Variants in CALCR observed in about 807,000 individuals in gnomAD.
The protein encoded by CALCR is calcitonin receptor.
In CALCR, 47 loss-of-function variants were observed where a neutral mutation model predicts 59.5. The ratio of observed to expected loss-of-function variants is 0.79; its 90% CI spans 0.63 to 1.01. The LOEUF is 1.01. Among genes scored for constraint, CALCR ranks in the 50% least tolerant of loss-of-function variants. CALCR has a pLI of 0.00. For missense variants in CALCR, 566 were observed against 597.1 expected, an observed-to-expected ratio of 0.95 and a Z score of 0.54; for synonymous variants, 213 against 211.3, an observed-to-expected ratio of 1.01 and a Z score of -0.07.
intron 2 of CALCR, among the ~76,000 whole-genome samples, chr7:93,541,551 C>A (rs534226523): frequency 4.6e-5 from 7 of 152,138 alleles, no homozygotes; most frequent in African/African-American, 1.4e-4. Context: ...GCATTAAATT[C>A]CTATTGACTT....
intron 2 of CALCR, among the ~76,000 whole-genome samples, chr7:93,548,635 C>A (rs1789360560): frequency 6.8e-6 from 1 of 148,050 alleles, no homozygotes. Flanking sequence ...AATCTTTGAG[C>A]ATGGATACAT....
intron 8 of CALCR, among the ~76,000 whole-genome samples, chr7:93,452,804 T>G (rs1447564188): frequency 6.6e-6 from 1 of 151,860 alleles, no homozygotes; most frequent in East Asian, 2.0e-4. Flanking sequence ...AACAGAAGTG[T>G]AGGCTCTACA....
At chr7:93,526,453 A>G (rs753284578) in intron 2 of CALCR, among the ~76,000 whole-genome samples, 1 of 151,192 alleles carries the variant, frequency 6.6e-6, no homozygotes, top group South Asian at 2.1e-4. Flanking sequence ...AAGAAGGGGG[A>G]AAAAGGCAGA....
rs1203111729 is a variant in CALCR, at chr7:93,443,770, A to C, written c.649-13T>G. 2.5e-6 allele frequency: 4 copies of C among 1,610,988 alleles called. No homozygotes were observed. The highest frequency in any genetic ancestry group is 3.3e-5 in the Admixed American group (2 of 59,884). Reference sequence around the variant, plus strand: ...TCTTGCAGCTCACCTGTCAGAAAGAAAGGAAGATACTCAGAGAAAGACACA... The same window carrying C: ...TCTTGCAGCTCACCTGTCAGAAAGACAGGAAGATACTCAGAGAAAGACACA... On this transcript the variant is annotated splice_polypyrimidine_tract_variant and intron_variant, in intron 8 of 13. Coordinates refer to ENST00000426151, the MANE Select transcript of CALCR (RefSeq NM_001742.4).
chr7:93,462,517 A>T (rs1800357941), intron 7 of CALCR, among the ~76,000 whole-genome samples: 3 of 152,142 alleles, frequency 2.0e-5, no homozygotes, highest in South Asian at 2.1e-4. Context: ...CAATCAGCAC[A>T]GTTGAATCTG....
At chr7:93,482,402 A>T (rs1336921222) in intron 3 of CALCR, among the ~76,000 whole-genome samples, 1 of 151,828 alleles carries the variant, frequency 6.6e-6, no homozygotes, top group African/African-American at 2.4e-5. Context: ...CCATTTTCTC[A>T]CCATCTTCAA....
chr7:93,435,599 G>C (rs905455996), intron 12 of CALCR, among the ~76,000 whole-genome samples: 3 of 152,064 alleles, frequency 2.0e-5, no homozygotes, highest in Non-Finnish European at 4.4e-5. Flanking sequence ...CCTGAGGTCA[G>C]GAGTTTGATA....
chr7:93,449,998 C>T (rs1009729798), intron 8 of CALCR, among the ~76,000 whole-genome samples: 4 of 152,022 alleles, frequency 2.6e-5, no homozygotes, highest in African/African-American at 4.8e-5. Context: ...GCGTATGTGC[C>T]TTTGGGTATA....
chr7:93,431,946 T>C (rs1330361399), intron 13 of CALCR, among the ~76,000 whole-genome samples: 1 of 152,222 alleles, frequency 6.6e-6, no homozygotes. Context: ...AGGTACCTAA[T>C]AATTTACTGA....
chr7:93,437,073 T>C (rs2115697049), intron 11 of CALCR, among the ~76,000 whole-genome samples: 1 of 152,170 alleles, frequency 6.6e-6, no homozygotes, highest in African/African-American at 2.4e-5. Context: ...CCTTTAGTCA[T>C]GAAATTAATA....
At chr7:93,507,022 C>T (rs1487353429) in intron 2 of CALCR, among the ~76,000 whole-genome samples, 1 of 152,144 alleles carries the variant, frequency 6.6e-6, no homozygotes, top group East Asian at 1.9e-4. Context: ...ATTGTGAGGC[C>T]TCCCCAGCCA....
intron 2 of CALCR, among the ~76,000 whole-genome samples, chr7:93,500,069 CA>C (rs1801290227): frequency 6.6e-6 from 1 of 151,784 alleles, no homozygotes; most frequent in Admixed American, 6.6e-5. Context: ...TATAGATGAG[CA>C]AAAGAAAACC....
At chr7:93,441,495 C>T (rs776411429) in intron 9 of CALCR, 3 of 453,822 alleles carry the variant, frequency 6.6e-6, no homozygotes, top group African/African-American at 4.0e-5. Context: ...AGAGGGTGTA[C>T]ATACGGATGA....
At chr7:93,469,090 C>A (rs373197954) in intron 6 of CALCR, among the ~76,000 whole-genome samples, 1 of 151,748 alleles carries the variant, frequency 6.6e-6, no homozygotes, top group African/African-American at 2.4e-5. Context: ...AAATTATCAT[C>A]CCTAAGCCCA....
intron 2 of CALCR, among the ~76,000 whole-genome samples, chr7:93,563,283 T>A (rs536655985): frequency 2.6e-5 from 4 of 152,348 alleles, no homozygotes; most frequent in Non-Finnish European, 5.9e-5. Flanking sequence ...AAATTCAATG[T>A]ATTTTTTACT....
chr7:93,475,481 C>G (rs1800647524), intron 5 of CALCR, among the ~76,000 whole-genome samples: 1 of 151,448 alleles, frequency 6.6e-6, no homozygotes, highest in Non-Finnish European at 1.5e-5. Context: ...ACAACCCTTC[C>G]AAGCTTACTT....
At chr7:93,528,127 A>C (rs926130976) in intron 2 of CALCR, among the ~76,000 whole-genome samples, 1 of 152,174 alleles carries the variant, frequency 6.6e-6, no homozygotes, top group Non-Finnish European at 1.5e-5. Context: ...TGCATGTTTA[A>C]ATAAATTTCG....
chr7:93,567,708 G>GC (rs569741426), intron 2 of CALCR, among the ~76,000 whole-genome samples: 365 of 138,688 alleles, frequency 2.6e-3, no homozygotes, highest in African/African-American at 9.5e-3. Context: ...CCAGCCCCCT[G>GC]CCCCCCAACA....
intron 9 of CALCR, among the ~76,000 whole-genome samples, chr7:93,438,941 GAC>G (rs1037754788): frequency 2.6e-5 from 4 of 151,564 alleles, no homozygotes; most frequent in East Asian, 1.9e-4. Flanking sequence ...CAGAAAAATG[GAC>G]ACAGTTATTG....
Sources: gnomAD v4.1 joint callset for allele counts (sites outside exome capture counted in the v4.1 genomes callset) on GRCh38, gnomAD v4.1.1 for gene constraint, MANE v1.5 for transcripts, NCBI Gene and HGNC (gene_info 2026-07-23, HGNC 2026-07-21) for gene names.